The following BTBD1 variants were observed in gnomAD, a reference collection of about 807,000 sequenced individuals.
BTBD1 encodes BTB domain containing 1.
Under a neutral mutation model 48.0 loss-of-function variants are expected in BTBD1, and 34 were observed. The ratio of observed to expected loss-of-function variants is 0.71; its 90% CI spans 0.54 to 0.94. BTBD1 has a LOEUF of 0.94. Among genes scored for constraint, BTBD1 ranks in the 40% least tolerant of loss-of-function variants. The pLI, the probability that BTBD1 is intolerant of heterozygous loss-of-function variation, is 0.00. For synonymous variants in BTBD1, 261 were observed against 242.1 expected, an observed-to-expected ratio of 1.08 and a Z score of -0.72; for missense variants, 543 against 625.6, an observed-to-expected ratio of 0.87 and a Z score of 1.41.
intron 1 of BTBD1, 134 bp from the exon 2 acceptor site, chr15:83,056,679 C>G: frequency 1.7e-6 from 1 of 603,570 alleles, no homozygotes; most frequent in East Asian, 3.1e-5. Flanking sequence ...ACCCACCCAC[C>G]CACCCACCCA....
At position 83,041,746 on chromosome 15, in the gene BTBD1, T is replaced by C. The variant is rs760458412; in HGVS notation, c.844A>G (p.Ile282Val). Residue 282 changes from isoleucine to valine, a missense_variant, in exon 4 of 8, where the codon ATT becomes GTT. Ile to Val is a conservative substitution (Grantham distance 29). Around this residue, in one of 3 missense-constraint regions of BTBD1, gnomAD observed 300 missense variants for 350.0 expected, o/e 0.86. Coordinates refer to ENST00000261721, the MANE Select transcript of BTBD1 (RefSeq NM_025238.4). The stretch of plus-strand genomic sequence containing the variant: ...CCCTTACCTGCTGCAAATTCCTCAA[T>C]TGTCATCAGTGGGAACCGGATTAAG... ...LSLIRFPLMT[I>V]EEFAAGPAQS... 5.7e-5 allele frequency: 92 copies of C among 1,614,066 alleles called. No homozygotes were observed. The highest frequency in any genetic ancestry group is 3.3e-4 in the Middle Eastern group (2 of 6,084).
At position 83,017,619 on chromosome 15, in the gene BTBD1, G is replaced by C. The variant is rs1274289009; in HGVS notation, c.*448C>G. 6.6e-6 allele frequency: 1 copy of C among 152,568 alleles called. No individual in the cohort carries two copies. Among genetic ancestry groups the C allele is most frequent in the Admixed American group, 6.6e-5 (1 of 15,264 alleles). The allele number at this position is 152,568 out of a possible 1,614,324, so 9.5% of individuals were successfully genotyped here. On this transcript the variant is annotated 3_prime_UTR_variant, in exon 8 of 8. Transcript: ENST00000261721. ...GAAATTTAGTTATTTGAGTTAATAA[G>C]AATTCTGTAGGAATACTGACCCATC...
At chr15:83,055,284 G>A (rs1388826621) in intron 2 of BTBD1, among the ~76,000 whole-genome samples, 3 of 149,852 alleles carry the variant, frequency 2.0e-5, no homozygotes, top group Non-Finnish European at 4.5e-5. Context: ...TTGAGACAGC[G>A]TTTCCCTCTG....
chr15:83,043,723 A>G (rs2032814636), intron 3 of BTBD1, among the ~76,000 whole-genome samples: 1 of 152,194 alleles, frequency 6.6e-6, no homozygotes, highest in South Asian at 2.1e-4. Context: ...TGCAAGGTTT[A>G]TATAGCTTAT....
intron 3 of BTBD1, among the ~76,000 whole-genome samples, chr15:83,042,462 C>A (rs2032786777): frequency 6.6e-6 from 1 of 150,690 alleles, no homozygotes; most frequent in Admixed American, 6.6e-5. Context: ...CGGCTCAATG[C>A]AACCTCTGCC....
At chr15:83,066,156 G>A (rs2033265255) in intron 1 of BTBD1, among the ~76,000 whole-genome samples, 1 of 151,926 alleles carries the variant, frequency 6.6e-6, no homozygotes, top group African/African-American at 2.4e-5. Flanking sequence ...AAAATTAGCC[G>A]GGCGTGGTGG....
intron 4 of BTBD1, among the ~76,000 whole-genome samples, chr15:83,040,143 T>C (rs1284839351): frequency 6.6e-6 from 1 of 151,976 alleles, no homozygotes; most frequent in Non-Finnish European, 1.5e-5. Flanking sequence ...GTAAACCAAA[T>C]ACCGTATGTT....
intron 3 of BTBD1, among the ~76,000 whole-genome samples, chr15:83,048,551 G>T (rs1482934317): frequency 6.6e-6 from 1 of 152,110 alleles, no homozygotes; most frequent in South Asian, 2.1e-4. Flanking sequence ...AACCTGCTTT[G>T]CACCTCCTTC....
chr15:83,054,670 T>C (rs1350374678), intron 2 of BTBD1, among the ~76,000 whole-genome samples: 1 of 151,508 alleles, frequency 6.6e-6, no homozygotes, highest in East Asian at 1.9e-4. Flanking sequence ...CAAGCGATTC[T>C]CCTGCCTCAG....
chr15:83,035,891 GA>G lies in BTBD1; in HGVS notation c.863-5564del, dbSNP rs1374077535. On this transcript the variant is annotated intron_variant, in intron 4 of 7. Coordinates refer to ENST00000261721, the MANE Select transcript of BTBD1 (RefSeq NM_025238.4). ...GACAATTTTGACAATTTCATTGCAA[GA>G]AAAAAAAATATATATAGACTAATTT... 1.6e-4 allele frequency among the ~76,000 whole-genome samples: 24 copies of G among 150,246 alleles called. No individual in the cohort carries two copies. In the South Asian group the frequency reaches 4.0e-3, roughly 25 times the overall value.
Position 83,050,078 on chromosome 15 carries a change from T to A in BTBD1, c.659A>T (p.Asp220Val). ...AISAEGFTDI[D>V]IDTLCAVLER... ...TTACTTCATAGCGAACTTACCTATA[T>A]CAATATCAGTAAACCCTTCTGCACT... Residue 220 changes from aspartate to valine, a missense_variant, in exon 3 of 8, where the codon GAT becomes GTT. Asp to Val is a radical substitution (Grantham distance 152). Transcript: ENST00000261721. 2 of 1,600,664 alleles carry A rather than the reference T, an allele frequency of 1.2e-6. No homozygotes were observed. The highest frequency in any genetic ancestry group is 1.7e-6 in the Non-Finnish European group (2 of 1,168,800).
chr15:83,034,496 C>T (rs1051111830), intron 4 of BTBD1, among the ~76,000 whole-genome samples: 4 of 152,090 alleles, frequency 2.6e-5, no homozygotes, highest in African/African-American at 9.7e-5. Flanking sequence ...CACATGTAGT[C>T]CCAGCTACTA....
At chr15:83,038,805 G>T (rs1392081895) in intron 4 of BTBD1, among the ~76,000 whole-genome samples, 1 of 152,088 alleles carries the variant, frequency 6.6e-6, no homozygotes, top group Non-Finnish European at 1.5e-5. Flanking sequence ...TTCAGTAAAG[G>T]GTGCTGGGAA....
intron 2 of BTBD1, among the ~76,000 whole-genome samples, chr15:83,051,416 AAAG>A (rs1366083504): frequency 6.6e-6 from 1 of 151,562 alleles, no homozygotes; most frequent in Non-Finnish European, 1.5e-5. Context: ...ATGGGGGAGA[AAAG>A]AAAACATTAA....
chr15:83,029,491 T>A (rs1263927158), intron 5 of BTBD1: 1 of 152,150 alleles, frequency 6.6e-6, no homozygotes, highest in Admixed American at 6.5e-5. Flanking sequence ...AGGTTACATT[T>A]ATTAATTGTA....
chr15:83,066,100 T>C (rs1310419422), intron 1 of BTBD1, among the ~76,000 whole-genome samples: 1 of 152,066 alleles, frequency 6.6e-6, no homozygotes, highest in Non-Finnish European at 1.5e-5. Flanking sequence ...GAGACCAGCC[T>C]GGGCAACATA....
chr15:83,030,136 C>T lies in BTBD1; in HGVS notation c.1055G>A (p.Arg352Lys). 2 of 1,613,840 alleles carry T rather than the reference C, an allele frequency of 1.2e-6. No homozygotes were observed. Among genetic ancestry groups the T allele is most frequent in the Non-Finnish European group, 1.7e-6 (2 of 1,179,848 alleles). Residue 352 changes from arginine to lysine, a missense_variant and splice_region_variant, in exon 5 of 8, where the codon AGA (arginine) becomes AAA (lysine). Arg to Lys is a conservative substitution (Grantham distance 26, BLOSUM62 2). Transcript: ENST00000261721. ...WGYSGTSDRI[R>K]FTVNRRISIV... ...CCCGCATCCCCAATATAACAGATAC[C>T]TGATTCGATCACTCGTCCCACTGTA...
chr15:83,032,445 G>A (rs1206401243), intron 4 of BTBD1, among the ~76,000 whole-genome samples: 1 of 152,124 alleles, frequency 6.6e-6, no homozygotes, highest in Non-Finnish European at 1.5e-5. Context: ...GTTTATAGCA[G>A]CACTACCAAC....
chr15:83,019,623 C>T (rs1371683772), intron 6 of BTBD1, among the ~76,000 whole-genome samples: 3 of 142,736 alleles, frequency 2.1e-5, no homozygotes, highest in Admixed American at 1.5e-4. Flanking sequence ...GAGTCTCACT[C>T]TGTAGCCCTG....
Sources: allele counts gnomAD v4.1 joint callset (sites outside exome capture counted in the v4.1 genomes callset), GRCh38; gene constraint gnomAD v4.1.1; regional missense constraint gnomAD v4.1.1; transcripts MANE v1.5; gene names NCBI Gene and HGNC (gene_info 2026-07-23, HGNC 2026-07-21).